Variants in EPHA6 observed in about 807,000 individuals in gnomAD.
The protein encoded by EPHA6 is ephrin type-A receptor 6.
A neutral mutation model predicts 112.0 loss-of-function variants in EPHA6; 50 were observed. The ratio of observed to expected loss-of-function variants is 0.45; its 90% CI spans 0.36 to 0.56. The LOEUF (loss-of-function observed/expected upper bound fraction) is 0.56, where lower values mean the gene tolerates loss of function less well. Among genes scored for constraint, EPHA6 ranks in the 20% least tolerant of loss-of-function variants. EPHA6 has a pLI of 0.00. For synonymous variants in EPHA6, 529 were observed against 490.7 expected, an observed-to-expected ratio of 1.08 and a Z score of -1.03; for missense variants, 1,280 against 1,417.4, an observed-to-expected ratio of 0.90 and a Z score of 1.56.
intron 3 of EPHA6, among the ~76,000 whole-genome samples, chr3:97,164,762 G>A (rs940853345): frequency 9.2e-5 from 14 of 151,714 alleles, no homozygotes; most frequent in Middle Eastern, 3.4e-3. Context: ...TTCTCTCTTC[G>A]CAACCAATTA....
chr3:97,678,660 A>G (rs181576190), intron 14 of EPHA6, among the ~76,000 whole-genome samples: 1 of 152,306 alleles, frequency 6.6e-6, no homozygotes, highest in African/African-American at 2.4e-5. Flanking sequence ...CTAGAGAGGT[A>G]AAGTCTTCTG....
Position 97,415,668 on chromosome 3 carries a change from C to A in EPHA6, c.1731+10394C>A, listed in dbSNP as rs2088066943. Among the ~76,000 whole-genome samples, 2 of 152,148 alleles carry A rather than the reference C, an allele frequency of 1.3e-5. 1 individual carries two copies. The highest frequency in any genetic ancestry group is 4.1e-4 in the South Asian group (2 of 4,826). On this transcript the variant is annotated intron_variant, in intron 6 of 17. Coordinates refer to ENST00000389672, the MANE Select transcript of EPHA6 (RefSeq NM_001080448.3). Reference sequence around the variant, plus strand: ...TAAAGCACTTGTCTTTGAATTCAGGCATCTGTTTGAAGCAGATCACAAAAT... The same window carrying A: ...TAAAGCACTTGTCTTTGAATTCAGGAATCTGTTTGAAGCAGATCACAAAAT...
At chr3:97,682,401 G>C (rs2031926606) in intron 14 of EPHA6, among the ~76,000 whole-genome samples, 1 of 152,006 alleles carries the variant, frequency 6.6e-6, no homozygotes, top group Admixed American at 6.6e-5. Flanking sequence ...AGATTAATAA[G>C]GATATCTAGA....
intron 3 of EPHA6, among the ~76,000 whole-genome samples, chr3:97,018,304 C>T (rs539523950): frequency 1.5e-4 from 23 of 151,508 alleles, no homozygotes; most frequent in South Asian, 4.2e-4. Context: ...TGTGCGGAGA[C>T]GAGAGAGTGT....
At chr3:97,420,408 C>T (rs941422037) in intron 6 of EPHA6, among the ~76,000 whole-genome samples, 1 of 151,716 alleles carries the variant, frequency 6.6e-6, no homozygotes, top group Non-Finnish European at 1.5e-5. Context: ...AATGAATTTT[C>T]CAAGATCAAA....
At chr3:97,480,479 C>T (rs1463497507) in intron 9 of EPHA6, among the ~76,000 whole-genome samples, 3 of 152,122 alleles carry the variant, frequency 2.0e-5, no homozygotes, top group East Asian at 3.9e-4. Context: ...CAAAGCACAT[C>T]TTGCACCGCC....
intron 5 of EPHA6, among the ~76,000 whole-genome samples, chr3:97,396,090 CG>C (rs1485713703): frequency 6.6e-6 from 1 of 151,496 alleles, no homozygotes; most frequent in African/African-American, 2.4e-5. Context: ...CAAAGTTAAG[CG>C]TCAAGGGATT....
chr3:97,583,664 A>T (rs59550457), intron 11 of EPHA6, among the ~76,000 whole-genome samples: 2,109 of 152,328 alleles, frequency 0.014, 54 homozygotes, highest in African/African-American at 0.048. Flanking sequence ...AAAATATTCC[A>T]TGTTCATGGA....
rs114818093 is a variant in EPHA6, at chr3:97,355,777, G to T, written c.1607-49373G>T. 6.5e-3 allele frequency among the ~76,000 whole-genome samples: 994 copies of T among 152,088 alleles called. 12 individuals carry two copies. The highest frequency in any genetic ancestry group is 0.021 in the African/African-American group (863 of 41,482). ...TAAAAATAAGACCCAAGATTATATT[G>T]CCTACAAGAAAAACACTTAGCCTAT... On this transcript the variant is annotated intron_variant, in intron 5 of 17. Coordinates refer to ENST00000389672, the MANE Select transcript of EPHA6 (RefSeq NM_001080448.3).
chr3:97,439,612 A>T (rs2090031788), intron 6 of EPHA6: 1 of 1,005,798 alleles, frequency 9.9e-7, no homozygotes, highest in Non-Finnish European at 1.2e-6. Context: ...TCCAAGGCAG[A>T]GTGGAACTTC....
At chr3:97,285,871 C>T (rs948324094) in intron 5 of EPHA6, among the ~76,000 whole-genome samples, 4 of 152,122 alleles carry the variant, frequency 2.6e-5, no homozygotes, top group African/African-American at 9.7e-5. Flanking sequence ...ATGACAGTTT[C>T]CTTTTCTCCA....
At chr3:97,430,467 T>G (rs1204053950) in intron 6 of EPHA6, among the ~76,000 whole-genome samples, 1 of 152,132 alleles carries the variant, frequency 6.6e-6, no homozygotes, top group Admixed American at 6.6e-5. Flanking sequence ...AATGGTCTTA[T>G]TAAAGTCTTA....
chr3:97,647,741 C>T (rs560445812), intron 14 of EPHA6, among the ~76,000 whole-genome samples: 1 of 152,206 alleles, frequency 6.6e-6, no homozygotes, highest in South Asian at 2.1e-4. Flanking sequence ...GAAATCACTG[C>T]CTTTTCTGAG....
intron 3 of EPHA6, among the ~76,000 whole-genome samples, chr3:97,113,547 A>G (rs543026856): frequency 3.3e-5 from 5 of 152,052 alleles, no homozygotes; most frequent in Non-Finnish European, 5.9e-5. Flanking sequence ...CTAAGGAAAT[A>G]CTCAGCTTTG....
At chr3:97,701,063 G>C (rs1356978687) in intron 14 of EPHA6, among the ~76,000 whole-genome samples, 2 of 152,168 alleles carry the variant, frequency 1.3e-5, no homozygotes, top group East Asian at 3.9e-4. Context: ...CTGTCAGTGG[G>C]TAATAAGTGG....
intron 6 of EPHA6, among the ~76,000 whole-genome samples, chr3:97,432,604 A>G (rs1277447329): frequency 6.6e-6 from 1 of 152,156 alleles, no homozygotes; most frequent in Non-Finnish European, 1.5e-5. Flanking sequence ...GTCTGTTCTC[A>G]TACTGCTATG....
At chr3:96,942,208 C>T (rs1218280507) in intron 2 of EPHA6, among the ~76,000 whole-genome samples, 1 of 152,194 alleles carries the variant, frequency 6.6e-6, no homozygotes, top group African/African-American at 2.4e-5. Flanking sequence ...GCCCTGCCCC[C>T]AGAGGTGGAG....
In EPHA6 at chr3:97,748,678, C is replaced by A; in HGVS notation, c.3370C>A (p.Gln1124Lys). 6.2e-7 allele frequency: 1 copy of A among 1,605,344 alleles called. No homozygotes were observed. The highest frequency in any genetic ancestry group is 1.7e-5 in the Admixed American group (1 of 59,938). Residue 1124 changes from glutamine to lysine, a missense_variant, in exon 18 of 18, where the codon CAG (glutamine) becomes AAG (lysine). This residue lies in a region of EPHA6 where 145 missense variants were observed against 153.3 expected (regional missense o/e 0.95). Coordinates refer to ENST00000389672, the MANE Select transcript of EPHA6 (RefSeq NM_001080448.3). ...QTLRLHMMHI[Q>K]EKGFHV is the part of the protein sequence containing the mutation. The stretch of plus-strand genomic sequence containing the variant: ...TTTACGTTTACACATGATGCACATA[C>A]AGGAGAAGGGATTTCATGTATGAAA...
chr3:97,051,645 C>G (rs139753153), intron 3 of EPHA6, among the ~76,000 whole-genome samples: 1 of 152,130 alleles, frequency 6.6e-6, no homozygotes, highest in East Asian at 1.9e-4. Flanking sequence ...TAGATATGTA[C>G]CCCCAAAGTT....
Sources: allele counts gnomAD v4.1 joint callset (sites outside exome capture counted in the v4.1 genomes callset), GRCh38; gene constraint gnomAD v4.1.1; regional missense constraint gnomAD v4.1.1; transcripts MANE v1.5; gene names NCBI Gene and HGNC (gene_info 2026-07-23, HGNC 2026-07-21).